DUOXA1: variants seen among roughly 807,000 people sequenced by gnomAD.
The protein encoded by DUOXA1 is dual oxidase maturation factor 1, also known as dual oxidase activator 1.
A neutral mutation model predicts 26.6 loss-of-function variants in DUOXA1; 19 were observed. The observed-to-expected ratio is 0.71, with a 90% CI of 0.50 to 1.05. The LOEUF (loss-of-function observed/expected upper bound fraction) is 1.05. DUOXA1 is among the 50% of genes least tolerant of loss of function. The pLI is 0.00. For synonymous variants in DUOXA1, 166 were observed against 177.0 expected (o/e 0.94, Z 0.49); for missense variants, 403 against 427.5 (o/e 0.94, Z 0.51).
In DUOXA1 at chr15:45,117,970, C is replaced by T. The variant is rs1360284078; in HGVS notation, c.*1136G>A. The T allele has an allele frequency of 6.2e-7, 1 of 1,612,846 alleles. No individual in the cohort carries two copies. The highest frequency in any genetic ancestry group is 8.5e-7 in the Non-Finnish European group (1 of 1,179,786). The stretch of plus-strand genomic sequence containing the variant: ...ACATCGCAGGCCGGGAAGCAGTGCC[C>T]GCCAGGCCTGGGCCAGGAGAGCTCC... On this transcript the variant is annotated 3_prime_UTR_variant, in exon 9 of 9. Transcript: ENST00000560572.
At chr15:45,119,432 G>T in intron 8 of DUOXA1, 67 bp from the exon 9 acceptor site, 2 of 1,507,934 alleles carry the variant, frequency 1.3e-6, no homozygotes, top group Non-Finnish European at 1.8e-6. Context: ...ATCTTCCCCT[G>T]GGAGTGTCAG....
intron 7 of DUOXA1, 133 bp downstream of exon 7, chr15:45,120,459 A>G: frequency 9.0e-6 from 13 of 1,442,958 alleles, no homozygotes; most frequent in Non-Finnish European, 1.3e-5. Flanking sequence ...GGACTTCCCA[A>G]GCCAGCACCA....
In DUOXA1 at chr15:45,117,413, C is replaced by T. The variant is rs1328895327; in HGVS notation, c.*1693G>A. 139 of 1,512,016 alleles carry T rather than the reference C, an allele frequency of 9.2e-5. No individual in the cohort carries two copies. Among genetic ancestry groups the T allele is most frequent in the Non-Finnish European group, 1.1e-4 (124 of 1,124,288 alleles). 93.7% of individuals were successfully genotyped at this position (1,512,016 alleles called of 1,614,324 possible). On this transcript the variant is annotated 3_prime_UTR_variant, in exon 9 of 9. Coordinates refer to ENST00000560572, the MANE Select transcript of DUOXA1 (RefSeq NM_001276266.2). ...GAATTCACATCTATTACCCTATTTG[C>T]CCCTCTCAATAGTTCGCAGAAACAG...
At chr15:45,125,297 T>G (rs1445831579) in intron 3 of DUOXA1, among the ~76,000 whole-genome samples, 1 of 152,114 alleles carries the variant, frequency 6.6e-6, no homozygotes, top group East Asian at 1.9e-4. Flanking sequence ...ACCTTTATCA[T>G]CAGTTGTCCC....
rs201168457 is a variant in DUOXA1, at chr15:45,120,673, G to T, written c.473C>A (p.Ala158Asp). 9.0e-5 allele frequency: 146 copies of T among 1,614,140 alleles called. No individual in the cohort carries two copies. Among genetic ancestry groups the T allele is most frequent in the Admixed American group, 3.2e-4 (19 of 60,020 alleles). ...KGLPDPVLYL[A>D]EKFTPRSPCG... ...TGGGCTTCTTGGAGTGAACTTCTCA[G>T]CTAGGTACAACACAGGGTCTGGCAG... The change falls in exon 7 of 9, where the codon GCT (alanine) becomes GAT (aspartate). Residue 158 changes from alanine to aspartate, a missense_variant. Ala to Asp is a moderately radical substitution (Grantham distance 126). Transcript: ENST00000560572.
Position 45,118,201 on chromosome 15 carries a change from C to T in DUOXA1, c.*905G>A. The T allele has an allele frequency of 7.0e-7, 1 of 1,424,618 alleles. No homozygotes were observed. Among genetic ancestry groups the T allele is most frequent in the African/African-American group, 1.4e-5 (1 of 69,672 alleles). 88.2% of individuals were successfully genotyped at this position (1,424,618 alleles called of 1,614,324 possible). A position where few individuals can be genotyped will look rare whatever the true frequency, so the allele number is the denominator to read the frequency against. ...TGGAGACAGCCTAGTACACTCTCCG[C>T]AGTGCTGTGAAACCTGATTCTCTGC... On this transcript the variant is annotated 3_prime_UTR_variant, in exon 9 of 9. Transcript: ENST00000560572.
Position 45,123,691 on chromosome 15 carries a change from G to A in DUOXA1, c.-29-648C>T, listed in dbSNP as rs532851443. On this transcript the variant is annotated intron_variant, in intron 3 of 8. Coordinates refer to ENST00000560572, the MANE Select transcript of DUOXA1 (RefSeq NM_001276266.2). ...CTAAATAAGCACTGAAGGGGCACCT[G>A]CCCTCTATCAGGCAGTGCTGGGGCC... 1.7e-3 allele frequency among the ~76,000 whole-genome samples: 259 copies of A among 152,334 alleles called. 1 individual carries two copies. Among genetic ancestry groups the A allele is most frequent in the African/African-American group, 5.7e-3 (235 of 41,558 alleles).
In DUOXA1 at chr15:45,124,288, G is replaced by C. The variant is rs79938912; in HGVS notation, c.-29-1245C>G. On this transcript the variant is annotated intron_variant, in intron 3 of 8. Transcript: ENST00000560572. Reference sequence around the variant, plus strand: ...AGACATCCAGTTTTATTAAAAATTTGAGATAGTAATGTCTATCTTGTAAGC... The same window carrying C: ...AGACATCCAGTTTTATTAAAAATTTCAGATAGTAATGTCTATCTTGTAAGC... Among the ~76,000 whole-genome samples the C allele has an allele frequency of 4.7e-3, 714 of 152,258 alleles. 3 individuals are homozygous for C. Among genetic ancestry groups the C allele is most frequent in the African/African-American group, 0.017 (695 of 41,516 alleles).
At position 45,118,160 on chromosome 15, in the gene DUOXA1, A is replaced by T. The variant is rs920524101; in HGVS notation, c.*946T>A. ...CTCCGCGCCGGGGTCGCACGTCCTC[A>T]TGAGCTTCGCTGGGCTGGAGACAGC... On this transcript the variant is annotated 3_prime_UTR_variant, in exon 9 of 9. Transcript: ENST00000560572. 4 of 1,437,580 alleles carry T rather than the reference A, an allele frequency of 2.8e-6. No individual in the cohort carries two copies. The highest frequency in any genetic ancestry group is 5.6e-5 in the Admixed American group (2 of 35,780). 89.1% of individuals were successfully genotyped at this position (1,437,580 alleles called of 1,614,324 possible).
At position 45,120,743 on chromosome 15, in the gene DUOXA1, C is replaced by G. The variant is rs774341451; in HGVS notation, c.403G>C (p.Gly135Arg). The G allele has an allele frequency of 5.0e-6, 8 of 1,613,990 alleles. No homozygotes were observed. Among genetic ancestry groups the G allele is most frequent in the Non-Finnish European group, 6.8e-6 (8 of 1,180,008 alleles). Residue 135 changes from glycine to arginine, a missense_variant, in exon 7 of 9, where the codon GGT becomes CGT. Transcript: ENST00000560572. ...GCATACTCCTCAGCATAGTTCTCAC[C>G]CAGGCGCCAGGTGAACTCCTCGTTG... ...NYNEEFTWRLGENYAEEYAKA... is the reference protein window; with the variant it reads ...NYNEEFTWRLRENYAEEYAKA...
chr15:45,120,657 T>G lies in DUOXA1; in HGVS notation c.489A>C (p.Pro163=). Residue 163 remains proline, a synonymous_variant, in exon 7 of 9, where the codon CCA becomes CCC. Coordinates refer to ENST00000560572, the MANE Select transcript of DUOXA1 (RefSeq NM_001276266.2). ...PVLYLAEKFT[P]RSPCGLYRQY... ...GGCGGTATAGGCCACATGGGCTTCT[T>G]GGAGTGAACTTCTCAGCTAGGTACA... 2 of 1,614,140 alleles carry G rather than the reference T, an allele frequency of 1.2e-6. No homozygotes were observed. Among genetic ancestry groups the G allele is most frequent in the Non-Finnish European group, 1.7e-6 (2 of 1,180,016 alleles).
Position 45,119,226 on chromosome 15 carries a change from G to C in DUOXA1, c.912C>G (p.Ser304Arg). 6.2e-7 allele frequency: 1 copy of C among 1,614,140 alleles called. No individual in the cohort carries two copies. Among genetic ancestry groups the C allele is most frequent in the Non-Finnish European group, 8.5e-7 (1 of 1,179,996 alleles). The change falls in exon 9 of 9, where the codon AGC (serine) becomes AGG (arginine). Residue 304 changes from serine (S) to arginine (R), a missense_variant. Physicochemically the swap from Ser to Arg is moderately radical, Grantham distance 110. Transcript: ENST00000560572. ...EWSPEEGGLL[S>R]PRYRSMADSP... The stretch of plus-strand genomic sequence containing the variant: ...TGTCAGCCATGGACCGGTAGCGGGG[G>C]CTCAGGAGTCCACCTTCCTCAGGAC...
chr15:45,122,340 TG>T (rs1445499287), intron 4 of DUOXA1, 98 bp from the exon 5 acceptor site: 2 of 1,163,398 alleles, frequency 1.7e-6, no homozygotes, highest in East Asian at 5.2e-5. Context: ...ATTCTAAAGC[TG>T]AGATCACTTG....
chr15:45,118,998 T>A lies in DUOXA1; in HGVS notation c.*108A>T, dbSNP rs1039115653. On this transcript the variant is annotated 3_prime_UTR_variant, in exon 9 of 9. Coordinates refer to ENST00000560572, the MANE Select transcript of DUOXA1 (RefSeq NM_001276266.2). ...TTCTACTCCGTCTGTAGATTGGTGC[T>A]GGGTGTCTGGTAACAGCCACCCTGA... The A allele has an allele frequency of 6.1e-6, 9 of 1,478,198 alleles. No individual in the cohort carries two copies. Among genetic ancestry groups the A allele is most frequent in the Non-Finnish European group, 8.1e-6 (9 of 1,115,424 alleles). 91.6% of individuals were successfully genotyped at this position (1,478,198 alleles called of 1,614,324 possible). A position where few individuals can be genotyped will look rare whatever the true frequency, so the allele number is the denominator to read the frequency against.
intron 5 of DUOXA1, among the ~76,000 whole-genome samples, chr15:45,121,959 AAGGTTGAGGAG>A (rs1420766566): frequency 6.6e-6 from 1 of 152,174 alleles, no homozygotes; most frequent in South Asian, 2.1e-4. Context: ...AAGTGTTAGG[AAGGTTGAGGAG>A]ATGCATCCAG....
chr15:45,125,217 G>A (rs979030388), intron 3 of DUOXA1, among the ~76,000 whole-genome samples: 9 of 152,130 alleles, frequency 5.9e-5, no homozygotes, highest in Middle Eastern at 3.2e-3. Context: ...AGGAATAGGC[G>A]TCTCTCTTCT....
chr15:45,118,951 A>G lies in DUOXA1; in HGVS notation c.*155T>C, dbSNP rs1894873341. Reference sequence around the variant, plus strand: ...TTTTTGTTTTGTTTTGTTTTTTAACATCAGTATATAGAGCCTCCTTTTTCT... The same window carrying G: ...TTTTTGTTTTGTTTTGTTTTTTAACGTCAGTATATAGAGCCTCCTTTTTCT... On this transcript the variant is annotated 3_prime_UTR_variant, in exon 9 of 9. Transcript: ENST00000560572. 1.0e-5 allele frequency: 14 copies of G among 1,366,904 alleles called. No homozygotes were observed. Among genetic ancestry groups the G allele is most frequent in the Non-Finnish European group, 7.5e-6 (8 of 1,061,548 alleles). 84.7% of individuals were successfully genotyped at this position (1,366,904 alleles called of 1,614,324 possible).
rs1376353900 is a variant in DUOXA1 at position 45,122,201 on chromosome 15, G to A, written c.189C>T (p.Ile63=). The A allele has an allele frequency of 1.1e-5, 17 of 1,604,404 alleles. No homozygotes were observed. The East Asian group carries it at 1.3e-4, about 13-fold the overall frequency. ...WLLRVVTSLF[I]GAAILAVNFS... Reference sequence around the variant, plus strand: ...CGCACTCACCCAGGATTGCAGCCCCGATGAATAAGCTGGTCACCACCCGAA... The same window carrying A: ...CGCACTCACCCAGGATTGCAGCCCCAATGAATAAGCTGGTCACCACCCGAA... The change falls in exon 5 of 9, where the codon ATC becomes ATT. Residue 63 remains isoleucine, a synonymous_variant. Coordinates refer to ENST00000560572, the MANE Select transcript of DUOXA1 (RefSeq NM_001276266.2).
intron 5 of DUOXA1, 146 bp from the exon 6 acceptor site, chr15:45,121,367 G>A: frequency 8.4e-7 from 1 of 1,194,370 alleles, no homozygotes; most frequent in South Asian, 1.5e-5. Flanking sequence ...CTCATGGTAA[G>A]TCTGCCAACC....
Sources: allele counts gnomAD v4.1 joint callset (sites outside exome capture counted in the v4.1 genomes callset), GRCh38; gene constraint gnomAD v4.1.1; transcripts MANE v1.5; gene names NCBI Gene and HGNC (gene_info 2026-07-23, HGNC 2026-07-21).